ZPBP: variants seen among roughly 807,000 people sequenced by gnomAD.
ZPBP encodes the protein zona pellucida binding protein.
Under a neutral mutation model 44.8 loss-of-function variants are expected in ZPBP, and 26 were observed. The observed-to-expected ratio is 0.58, with a 90% confidence interval of 0.43 to 0.81. The LOEUF (loss-of-function observed/expected upper bound fraction) is 0.81, where lower values mean the gene tolerates loss of function less well. Ranked by LOEUF, ZPBP falls within the 30% of genes least tolerant of loss-of-function variation. The pLI, the probability that ZPBP is intolerant of heterozygous loss-of-function variation, is 0.00. For missense variants in ZPBP, 409 were observed against 434.0 expected, an observed-to-expected ratio of 0.94 and a Z score of 0.51; for synonymous variants, 174 against 153.2, an observed-to-expected ratio of 1.14 and a Z score of -1.00.
chr7:49,988,420 A>G (rs867919148), intron 6 of ZPBP, among the ~76,000 whole-genome samples: 1 of 152,168 alleles, frequency 6.6e-6, no homozygotes, highest in Non-Finnish European at 1.5e-5. Context: ...GTTTAGGTAC[A>G]TGGGATTGCC....
chr7:49,876,902 G>C (rs913223965), intron 2 of ZPBP, among the ~76,000 whole-genome samples: 1 of 151,776 alleles, frequency 6.6e-6, no homozygotes, highest in Non-Finnish European at 1.5e-5. Context: ...AAATTTATCA[G>C]TGGGATCCTT....
intron 1 of ZPBP, among the ~76,000 whole-genome samples, chr7:49,906,404 C>T (rs1036974776): frequency 6.6e-6 from 1 of 152,084 alleles, no homozygotes; most frequent in African/African-American, 2.4e-5. Flanking sequence ...GCGGCGACCT[C>T]AGCTCACTGC....
intron 6 of ZPBP, among the ~76,000 whole-genome samples, chr7:49,989,601 G>A (rs1389165925): frequency 6.6e-6 from 1 of 152,164 alleles, no homozygotes; most frequent in Non-Finnish European, 1.5e-5. Context: ...GAGAAATTCT[G>A]TTTCAAAACT....
chr7:49,917,629 T>C (rs1364619263), intron 1 of ZPBP: 2 of 152,170 alleles, frequency 1.3e-5, no homozygotes, highest in Non-Finnish European at 2.9e-5. Context: ...ATTGCAAATA[T>C]TGCGACTTTA....
intron 2 of ZPBP, among the ~76,000 whole-genome samples, chr7:49,862,634 T>A (rs1657911353): frequency 6.6e-6 from 1 of 151,926 alleles, no homozygotes. Context: ...GAAGTTCCCT[T>A]CTCTTCCTAC....
intron 6 of ZPBP, among the ~76,000 whole-genome samples, chr7:50,000,809 A>C (rs1483070): frequency 0.8 from 121,547 of 152,042 alleles, 48,757 homozygotes; most frequent in East Asian, 0.89. Flanking sequence ...TGCCCCCACC[A>C]CCACATTCAT....
At chr7:49,860,854 G>A (rs1790622229) in intron 2 of ZPBP, among the ~76,000 whole-genome samples, 1 of 152,164 alleles carries the variant, frequency 6.6e-6, no homozygotes, top group African/African-American at 2.4e-5. Flanking sequence ...GCCATGTGAG[G>A]CCACAGAAGG....
intron 4 of ZPBP, among the ~76,000 whole-genome samples, chr7:50,042,162 T>C (rs1037503864): frequency 2.1e-4 from 32 of 151,984 alleles, no homozygotes; most frequent in Non-Finnish European, 1.5e-4. Flanking sequence ...CTCCAAGAAA[T>C]ATGGGACTAT....
intron 2 of ZPBP, among the ~76,000 whole-genome samples, chr7:49,866,490 C>A (rs893981765): frequency 6.6e-6 from 1 of 152,176 alleles, no homozygotes; most frequent in Non-Finnish European, 1.5e-5. Flanking sequence ...CCTCTGCTTG[C>A]ATTACATTTG....
At chr7:49,929,720 G>A (rs952162456) in intron 1 of ZPBP, among the ~76,000 whole-genome samples, 37 of 152,212 alleles carry the variant, frequency 2.4e-4, no homozygotes, top group African/African-American at 8.9e-4. Flanking sequence ...TAGACCTGAT[G>A]TAAACTTCTA....
chr7:49,983,987 A>C (rs1467090323), intron 6 of ZPBP, among the ~76,000 whole-genome samples: 1 of 152,224 alleles, frequency 6.6e-6, no homozygotes, highest in Non-Finnish European at 1.5e-5. Context: ...ATCTAAAAAA[A>C]TAAAGCATCA....
chr7:49,846,901 T>C (rs1322571521), downstream of ZPBP, among the ~76,000 whole-genome samples: 2 of 152,228 alleles, frequency 1.3e-5, no homozygotes, highest in Non-Finnish European at 2.9e-5. Flanking sequence ...AATATTATGA[T>C]ACAAATATCT....
chr7:49,878,303 T>C (rs1360290840), intron 2 of ZPBP, among the ~76,000 whole-genome samples: 1 of 152,148 alleles, frequency 6.6e-6, no homozygotes, highest in East Asian at 1.9e-4. Context: ...TGCTCACATA[T>C]TTATGATTGT....
chr7:50,082,248 T>C (rs1206913417), intron 2 of ZPBP, among the ~76,000 whole-genome samples: 1 of 151,848 alleles, frequency 6.6e-6, no homozygotes, highest in African/African-American at 2.4e-5. Flanking sequence ...ATCTACACTT[T>C]ATCTGTTTTG....
intron 7 of ZPBP, among the ~76,000 whole-genome samples, chr7:49,962,996 T>TA (rs1434075573): frequency 9.3e-5 from 14 of 150,030 alleles, no homozygotes; most frequent in Non-Finnish European, 1.0e-4. Context: ...CCAAAATATA[T>TA]AAAAAATCTT....
rs372911870 is a variant in ZPBP at position 49,943,508 on chromosome 7, TC to T, written c.962-5887del. ...CCAATGAACCCAACACTCATCTGTT[TC>T]TTGTCAGTGTACAACTTTCCAAACT... On this transcript the variant is annotated intron_variant, in intron 7 of 7. Transcript: ENST00000046087. 8.3e-5 allele frequency: 35 copies of T among 423,330 alleles called. No homozygotes were observed. The East Asian group carries it at 1.3e-3, about 16-fold the overall frequency. The allele number at this position is 423,330 out of a possible 1,614,324, so 26.2% of individuals were successfully genotyped here.
intron 4 of ZPBP, among the ~76,000 whole-genome samples, chr7:50,033,075 CT>C (rs939459202): frequency 1.0e-3 from 154 of 148,910 alleles, no homozygotes; most frequent in African/African-American, 3.2e-3. Flanking sequence ...TTGCTGATTA[CT>C]TTTTTTTTTC....
At chr7:50,069,276 C>G (rs766292648) in intron 3 of ZPBP, among the ~76,000 whole-genome samples, 4 of 152,092 alleles carry the variant, frequency 2.6e-5, no homozygotes, top group African/African-American at 4.8e-5. Flanking sequence ...TTCTGCCTTT[C>G]CAGAGACTTT....
chr7:50,093,120 C>T lies in ZPBP; in HGVS notation c.75G>A (p.Arg25=), dbSNP rs1012096637. Residue 25 remains arginine (R), a synonymous_variant, in exon 1 of 8, where the codon CGG becomes CGA. Coordinates refer to ENST00000046087, the MANE Select transcript of ZPBP (RefSeq NM_007009.3). ...RTRAAGSLLS[R]AAILLFISAF... ...CGGAGATAAAGAGGAGGATGGCGGC[C>T]CGAGAGAGCAGGGAGCCGGCGGCCC... 10 of 1,582,536 alleles carry T rather than the reference C, an allele frequency of 6.3e-6. No homozygotes were observed. The highest frequency in any genetic ancestry group is 2.3e-5 in the East Asian group (1 of 43,242).
Sources: allele counts gnomAD v4.1 joint callset (sites outside exome capture counted in the v4.1 genomes callset), GRCh38; gene constraint gnomAD v4.1.1; transcripts MANE v1.5; gene names NCBI Gene and HGNC (gene_info 2026-07-23, HGNC 2026-07-21).